Variants in DOCK3 observed in about 807,000 individuals in gnomAD.
DOCK3 encodes the protein dedicator of cytokinesis protein 3.
In DOCK3, 60 loss-of-function variants were observed where a neutral mutation model predicts 265.6. The ratio of observed to expected loss-of-function variants is 0.23; its 90% confidence interval spans 0.18 to 0.28. The LOEUF is 0.28. DOCK3 is among the 10% of genes least tolerant of loss of function. The probability of loss-of-function intolerance (pLI) is 1.00; values close to 1 mark genes in which losing one functional copy is unlikely to be tolerated. For synonymous variants in DOCK3, 881 were observed against 938.0 expected (o/e 0.94, Z 1.11); for missense variants, 1,981 against 2,594.3 (o/e 0.76, Z 5.14).
At chr3:51,058,907 ATATG>A (rs2081298777) in intron 5 of DOCK3, among the ~76,000 whole-genome samples, 1 of 152,106 alleles carries the variant, frequency 6.6e-6, no homozygotes, top group African/African-American at 2.4e-5. Context: ...AATTACATAT[ATATG>A]TATGTATGTA....
chr3:51,367,751 G>A (rs1374882784), intron 49 of DOCK3, among the ~76,000 whole-genome samples: 5 of 152,154 alleles, frequency 3.3e-5, no homozygotes, highest in Non-Finnish European at 5.9e-5. Context: ...CACTTATGAA[G>A]CTTAGTTTGG....
In DOCK3 at chr3:51,174,339, T is replaced by G. The variant is rs1283480223; in HGVS notation, c.1037+13637T>G. On this transcript the variant is annotated intron_variant, in intron 12 of 52. Coordinates refer to ENST00000266037, the MANE Select transcript of DOCK3 (RefSeq NM_004947.5). ...CAAAAATTAGCCAGGTGTGGTGGTT[T>G]GTGCCTATAATCCCAGCTACTTGGC... Among the ~76,000 whole-genome samples, 3 of 152,100 alleles carry G rather than the reference T, an allele frequency of 2.0e-5. No homozygotes were observed. The East Asian group carries it at 5.8e-4, about 29-fold the overall frequency.
chr3:51,182,214 C>G (rs570795650), intron 12 of DOCK3, among the ~76,000 whole-genome samples: 10 of 152,092 alleles, frequency 6.6e-5, no homozygotes, highest in Non-Finnish European at 1.3e-4. Flanking sequence ...GTTGTATGAC[C>G]TCGGGCAAGG....
At chr3:50,983,988 G>C (rs1420871211) in intron 5 of DOCK3, among the ~76,000 whole-genome samples, 1 of 152,154 alleles carries the variant, frequency 6.6e-6, no homozygotes, top group African/African-American at 2.4e-5. Context: ...TGGTGCACCT[G>C]GTCCAGCCAC....
At chr3:50,941,457 G>A (rs1281132441) in intron 5 of DOCK3, among the ~76,000 whole-genome samples, 2 of 152,038 alleles carry the variant, frequency 1.3e-5, no homozygotes, top group African/African-American at 4.8e-5. Flanking sequence ...CTCATACATT[G>A]CTGGTTAGAA....
intron 2 of DOCK3, among the ~76,000 whole-genome samples, chr3:50,800,795 A>G (rs1256550954): frequency 6.6e-6 from 1 of 151,934 alleles, no homozygotes; most frequent in Non-Finnish European, 1.5e-5. Flanking sequence ...TAATTTCAGC[A>G]TATATTTCCC....
intron 7 of DOCK3, 90 bp downstream of exon 7, chr3:51,075,530 T>A: frequency 5.2e-6 from 6 of 1,163,702 alleles, no homozygotes; most frequent in Non-Finnish European, 7.2e-6. Context: ...ACAACATTGC[T>A]AAAAATTTGT....
intron 1 of DOCK3, among the ~76,000 whole-genome samples, chr3:50,752,960 T>C (rs2039929476): frequency 6.6e-6 from 1 of 152,210 alleles, no homozygotes; most frequent in Admixed American, 6.5e-5. Flanking sequence ...ATTTTTGCTT[T>C]AGACTGGGAG....
At chr3:51,032,460 G>A (rs987395686) in intron 5 of DOCK3, among the ~76,000 whole-genome samples, 3 of 151,986 alleles carry the variant, frequency 2.0e-5, no homozygotes, top group Non-Finnish European at 2.9e-5. Context: ...TTGTTTTGAA[G>A]TTTATCTTCT....
At chr3:51,348,382 A>G (rs952175899) in intron 38 of DOCK3, among the ~76,000 whole-genome samples, 2 of 152,208 alleles carry the variant, frequency 1.3e-5, no homozygotes, top group African/African-American at 4.8e-5. Context: ...ATCTTAATCT[A>G]AAAATTAGTG....
intron 1 of DOCK3, among the ~76,000 whole-genome samples, chr3:50,693,374 A>T (rs2035375226): frequency 6.6e-6 from 1 of 152,084 alleles, no homozygotes; most frequent in South Asian, 2.1e-4. Context: ...GGCTATCTTT[A>T]TTTAGGTCTT....
chr3:51,219,807 T>C (rs1448872645), intron 14 of DOCK3, among the ~76,000 whole-genome samples: 2 of 152,110 alleles, frequency 1.3e-5, no homozygotes, highest in Non-Finnish European at 2.9e-5. Context: ...TCAATCTGAG[T>C]GTCAAATGAG....
intron 24 of DOCK3, among the ~76,000 whole-genome samples, chr3:51,274,048 A>C (rs1036099209): frequency 4.6e-5 from 7 of 152,236 alleles, no homozygotes; most frequent in Admixed American, 1.3e-4. Flanking sequence ...CGGGTTAATA[A>C]GGGAGCTTGA....
intron 1 of DOCK3, among the ~76,000 whole-genome samples, chr3:50,727,806 A>G (rs1209006723): frequency 6.6e-6 from 1 of 152,230 alleles, no homozygotes; most frequent in Non-Finnish European, 1.5e-5. Context: ...TATAAGCAAA[A>G]CAAGCTAAAG....
chr3:50,889,098 TGTG>T (rs2048510136), intron 3 of DOCK3, among the ~76,000 whole-genome samples: 3 of 151,258 alleles, frequency 2.0e-5, no homozygotes, highest in African/African-American at 7.3e-5. Flanking sequence ...TGTGTGTGTG[TGTG>T]TGTGTGTGTG....
At chr3:50,897,609 G>T (rs970939823) in intron 4 of DOCK3, among the ~76,000 whole-genome samples, 2 of 152,082 alleles carry the variant, frequency 1.3e-5, no homozygotes, top group African/African-American at 4.8e-5. Flanking sequence ...TATGACATTG[G>T]CTGTGGGTTC....
chr3:50,728,101 G>A (rs1286544158), intron 1 of DOCK3, among the ~76,000 whole-genome samples: 1 of 152,108 alleles, frequency 6.6e-6, no homozygotes, highest in Non-Finnish European at 1.5e-5. Flanking sequence ...CATACAGCAT[G>A]TGTTCTTTAA....
chr3:51,199,119 C>T (rs867870358), intron 12 of DOCK3, among the ~76,000 whole-genome samples: 5 of 152,166 alleles, frequency 3.3e-5, no homozygotes, highest in Non-Finnish European at 5.9e-5. Flanking sequence ...ACACAGAAGA[C>T]GGGTGATTTC....
intron 12 of DOCK3, among the ~76,000 whole-genome samples, chr3:51,168,433 G>A (rs1455221971): frequency 6.6e-6 from 1 of 152,104 alleles, no homozygotes; most frequent in Middle Eastern, 3.4e-3. Context: ...CCAGAAATAA[G>A]GCAGCATGCC....
Sources: allele counts gnomAD v4.1 joint callset (sites outside exome capture counted in the v4.1 genomes callset), GRCh38; gene constraint gnomAD v4.1.1; transcripts MANE v1.5; gene names NCBI Gene and HGNC (gene_info 2026-07-23, HGNC 2026-07-21).